Variants in NSD3 observed in about 807,000 individuals in gnomAD.
NSD3 encodes nuclear receptor binding SET domain protein 3.
In NSD3, 24 loss-of-function variants were observed where a neutral mutation model predicts 160.8. The ratio of observed to expected loss-of-function variants is 0.15; its 90% CI spans 0.11 to 0.21. The LOEUF (loss-of-function observed/expected upper bound fraction) is 0.21. Among genes scored for constraint, NSD3 ranks in the 10% least tolerant of loss-of-function variants. The pLI is 1.00. For synonymous variants in NSD3, 520 were observed against 600.0 expected (o/e 0.87, Z 1.95); for missense variants, 1,157 against 1,735.9 (o/e 0.67, Z 5.93).
chr8:38,349,261 G>A (rs1810609570), intron 1 of NSD3, among the ~76,000 whole-genome samples: 1 of 152,034 alleles, frequency 6.6e-6, no homozygotes, highest in Non-Finnish European at 1.5e-5. Flanking sequence ...TTTATGTACT[G>A]ATCATCAGTT....
rs1292408862 is a variant in NSD3 at position 38,319,643 on chromosome 8, A to C, written c.1810-703T>G. The C allele has an allele frequency of 6.6e-6, 1 of 152,162 alleles. No homozygotes were observed. The highest frequency in any genetic ancestry group is 1.5e-5 in the Non-Finnish European group (1 of 68,034). 9.4% of individuals were successfully genotyped at this position (152,162 alleles called of 1,614,324 possible). A position where few individuals can be genotyped will look rare whatever the true frequency, so the allele number is the denominator to read the frequency against. On this transcript the variant is annotated intron_variant, in intron 8 of 23. Transcript: ENST00000317025. The surrounding 1 kb of genome is among the most constrained non-coding windows in gnomAD (Gnocchi z 4.1). ...TTGAACCATTGGAATTAGAGAAAGG[A>C]GGCTGTTTGGAGGAGTTCCTGTTTA...
intron 21 of NSD3, 50 bp downstream of exon 21, chr8:38,279,490 T>C (rs758521789): frequency 2.5e-6 from 4 of 1,603,718 alleles, no homozygotes; most frequent in Admixed American, 3.3e-5. Context: ...CTCTATAGGA[T>C]ATTCTTTCTT....
Position 38,271,087 on chromosome 8 carries a change from A to G in NSD3, c.*4554T>C, listed in dbSNP as rs1395571782. 6.6e-6 allele frequency: 1 copy of G among 152,196 alleles called. No individual in the cohort carries two copies. The allele number at this position is 152,196 out of a possible 1,614,324, so 9.4% of individuals were successfully genotyped here. On this transcript the variant is annotated 3_prime_UTR_variant, in exon 24 of 24. Transcript: ENST00000317025. ...AATGACAAAATAAAGAATGTACATA[A>G]AAAGTATTTGTAAAAATGCTGGTAT... is the stretch of plus-strand genomic sequence containing the variant.
chr8:38,345,580 A>G (rs928596499), intron 2 of NSD3, among the ~76,000 whole-genome samples: 4 of 152,166 alleles, frequency 2.6e-5, no homozygotes, highest in Non-Finnish European at 4.4e-5. Context: ...TCATGATTCA[A>G]TAAAAGGGAA....
chr8:38,352,011 T>TAAAGTATAATTAA (rs1202735396), intron 1 of NSD3, among the ~76,000 whole-genome samples: 3 of 150,660 alleles, frequency 2.0e-5, no homozygotes, highest in Non-Finnish European at 3.0e-5. Context: ...CCCTAAAACT[T>TAAAGTATAATTAA]AAAGTATAAT....
In NSD3 at chr8:38,294,936, G is replaced by T. The variant is rs775086350; in HGVS notation, c.2915+860C>A. Reference sequence around the variant, plus strand: ...AGGCAGGCGGATCACAAGGTCAGGAGATCGAGACCATCCTGCCTAACACAG... The same window carrying T: ...AGGCAGGCGGATCACAAGGTCAGGATATCGAGACCATCCTGCCTAACACAG... On this transcript the variant is annotated intron_variant, in intron 16 of 23. Transcript: ENST00000317025. Among the ~76,000 whole-genome samples, 166 of 151,542 alleles carry T rather than the reference G, an allele frequency of 1.1e-3. 1 individual carries two copies. The highest frequency in any genetic ancestry group is 1.7e-3 in the Non-Finnish European group (115 of 67,884).
intron 1 of NSD3, among the ~76,000 whole-genome samples, chr8:38,365,674 T>C (rs555642330): frequency 2.6e-5 from 4 of 152,230 alleles, no homozygotes; most frequent in South Asian, 2.1e-4. Flanking sequence ...GGTTTCCGCA[T>C]GTTGGCCAGG....
intron 19 of NSD3, 74 bp from the exon 20 acceptor site, chr8:38,281,657 A>G (rs751765170): frequency 3.5e-6 from 3 of 846,250 alleles, no homozygotes; most frequent in Non-Finnish European, 3.5e-6. Flanking sequence ...CACATGTATA[A>G]CCCAAAATAA....
chr8:38,314,574 G>C (rs1809612355), intron 12 of NSD3, 73 bp downstream of exon 12: 1 of 1,595,836 alleles, frequency 6.3e-7, no homozygotes, highest in African/African-American at 1.3e-5. Flanking sequence ...GATGTCCTAG[G>C]AGAGGTTGTC....
At chr8:38,297,450 G>A (rs1413791710) in intron 15 of NSD3, among the ~76,000 whole-genome samples, 2 of 152,168 alleles carry the variant, frequency 1.3e-5, no homozygotes, top group Admixed American at 1.3e-4. Context: ...TATAACCCAT[G>A]AGTGTACGAA....
intron 12 of NSD3, 38 bp downstream of exon 12, chr8:38,314,609 A>G: frequency 6.2e-7 from 1 of 1,613,144 alleles, no homozygotes; most frequent in Non-Finnish European, 8.5e-7. Flanking sequence ...GCACAATCCC[A>G]TTCATCTTTT....
At position 38,275,036 on chromosome 8, in the gene NSD3, G is replaced by A; in HGVS notation, c.*605C>T. ...TCCACCGAGGCATTGTTTTCAAGAG[G>A]CCAGATTTAATACTTCCATAGAGCC... On this transcript the variant is annotated 3_prime_UTR_variant, in exon 24 of 24. Transcript: ENST00000317025. 4.4e-6 allele frequency: 1 copy of A among 227,368 alleles called. No homozygotes were observed. Among genetic ancestry groups the A allele is most frequent in the Non-Finnish European group, 8.7e-6 (1 of 114,422 alleles). 14.1% of individuals were successfully genotyped at this position (227,368 alleles called of 1,614,324 possible).
chr8:38,348,579 C>G (rs931263759), intron 1 of NSD3, among the ~76,000 whole-genome samples: 3 of 152,240 alleles, frequency 2.0e-5, no homozygotes, highest in African/African-American at 7.2e-5. Flanking sequence ...ACATATCAAT[C>G]TGCTTCCATA....
intron 1 of NSD3, among the ~76,000 whole-genome samples, chr8:38,372,879 A>G (rs1198670982): frequency 6.7e-6 from 1 of 149,806 alleles, no homozygotes; most frequent in South Asian, 2.1e-4. Flanking sequence ...AGCGAAACCC[A>G]GTCTCTACTA....
chr8:38,340,008 A>T (rs1810320459), intron 2 of NSD3, among the ~76,000 whole-genome samples: 1 of 152,210 alleles, frequency 6.6e-6, no homozygotes, highest in African/African-American at 2.4e-5. Flanking sequence ...TGTAAACAAA[A>T]TTGATACCAG....
At chr8:38,361,742 G>A (rs1462801778) in intron 1 of NSD3, among the ~76,000 whole-genome samples, 1 of 125,418 alleles carries the variant, frequency 8.0e-6, no homozygotes, top group South Asian at 2.8e-4. Flanking sequence ...GCTACAGAGC[G>A]AGACTCCGTC....
chr8:38,378,227 C>T (rs780661586), intron 1 of NSD3, among the ~76,000 whole-genome samples: 17 of 152,058 alleles, frequency 1.1e-4, no homozygotes, highest in Non-Finnish European at 2.1e-4. Flanking sequence ...CCATCTTGGC[C>T]GGGCGTGTTG....
rs1231390542 is a variant in NSD3, at chr8:38,316,351, G to A, written c.1856-309C>T. 4 of 1,093,948 alleles carry A rather than the reference G, an allele frequency of 3.7e-6. No individual in the cohort carries two copies. The highest frequency in any genetic ancestry group is 4.5e-6 in the Non-Finnish European group (4 of 890,136). 67.8% of individuals were successfully genotyped at this position (1,093,948 alleles called of 1,614,324 possible). On this transcript the variant is annotated intron_variant, in intron 9 of 23. Transcript: ENST00000317025. The surrounding 1 kb of genome is among the most constrained non-coding windows in gnomAD (Gnocchi z 4.5). ...CTATGAAAATTGCAGGATAGCTGAT[G>A]GATTTGGAGCAATTCAAAGAACCAT...
rs528478166 is a variant in NSD3 at position 38,307,077 on chromosome 8, C to T, written c.2243-1632G>A. Among the ~76,000 whole-genome samples the T allele has an allele frequency of 2.7e-3, 392 of 147,068 alleles. 1 individual carries two copies. Among genetic ancestry groups the T allele is most frequent in the African/African-American group, 9.4e-3 (375 of 39,874 alleles). On this transcript the variant is annotated intron_variant, in intron 12 of 23. Transcript: ENST00000317025. ...CTGCAGTGAGCCGAAATCGCGCCAC[C>T]GCACTCCAGCCTGGGTGACAGAGCG...
Sources: gnomAD v4.1 joint callset for allele counts (sites outside exome capture counted in the v4.1 genomes callset) on GRCh38, gnomAD v4.1.1 for gene constraint, Gnocchi (gnomAD v3.1) non-coding constraint, MANE v1.5 for transcripts, NCBI Gene and HGNC (gene_info 2026-07-23, HGNC 2026-07-21) for gene names.